The following LARGE1 variants were observed in gnomAD, a reference collection of about 807,000 sequenced individuals.
LARGE1 encodes the protein xylosyl- and glucuronyltransferase LARGE1.
In LARGE1, 43 loss-of-function variants were observed where a neutral mutation model predicts 87.6. That is an observed-to-expected ratio of 0.49 (90% CI 0.38 to 0.63). The LOEUF (loss-of-function observed/expected upper bound fraction) is 0.63, where lower values mean the gene tolerates loss of function less well. LARGE1 is among the 30% of genes least tolerant of loss of function. LARGE1 has a pLI of 0.00. For synonymous variants in LARGE1, 434 were observed against 394.6 expected (o/e 1.10, Z -1.18); for missense variants, 802 against 1,000.2 (o/e 0.80, Z 2.67).
chr22:33,882,403 A>T (rs1407589276), intron 1 of LARGE1, among the ~76,000 whole-genome samples: 1 of 152,188 alleles, frequency 6.6e-6, no homozygotes, highest in East Asian at 1.9e-4. Context: ...GTTTCAAGTC[A>T]GTGCAGACTA....
intron 14 of LARGE1, 88 bp from the exon 15 acceptor site, chr22:33,274,712 G>C: frequency 8.5e-7 from 1 of 1,171,736 alleles, no homozygotes; most frequent in Non-Finnish European, 1.3e-6. Flanking sequence ...AATGGCTAGT[G>C]AATGAATGAC....
At chr22:33,258,017 GA>G (rs1927407917) in intron 11 of LARGE1, among the ~76,000 whole-genome samples, 1 of 150,752 alleles carries the variant, frequency 6.6e-6, no homozygotes, top group African/African-American at 2.4e-5. Context: ...TGGATGGGGG[GA>G]TCAAGAAATG....
chr22:33,095,572 T>C, the LARGE1 span, among the ~76,000 whole-genome samples: 138 of 152,298 alleles, frequency 9.1e-4, no homozygotes, highest in African/African-American at 3.2e-3. Context: ...GAGAACATAA[T>C]TCAACCCACA....
At chr22:33,827,423 C>T (rs1046155787) in intron 1 of LARGE1, among the ~76,000 whole-genome samples, 2 of 152,162 alleles carry the variant, frequency 1.3e-5, no homozygotes, top group African/African-American at 4.8e-5. Context: ...GCCCCTCTGT[C>T]CCCCCGCCAA....
chr22:33,337,990 G>A (rs1182229052), intron 9 of LARGE1, among the ~76,000 whole-genome samples, 189 bp from the exon 10 acceptor site: 1 of 152,158 alleles, frequency 6.6e-6, no homozygotes, highest in African/African-American at 2.4e-5. Flanking sequence ...ATCAAACCCT[G>A]CCTCTGCTCT....
intron 1 of LARGE1, among the ~76,000 whole-genome samples, chr22:33,778,921 G>A (rs950794132): frequency 9.2e-5 from 14 of 152,130 alleles, no homozygotes; most frequent in African/African-American, 3.1e-4. Flanking sequence ...AAAGTGCTGG[G>A]ATTACCAGCG....
At chr22:33,914,239 A>G (rs999074456) in intron 1 of LARGE1, among the ~76,000 whole-genome samples, 20 of 152,056 alleles carry the variant, frequency 1.3e-4, no homozygotes, top group African/African-American at 4.3e-4. Context: ...GTCACTTTGC[A>G]TTTTTCCTGA....
chr22:33,449,744 C>T (rs1175942290), intron 6 of LARGE1, among the ~76,000 whole-genome samples: 3 of 152,186 alleles, frequency 2.0e-5, no homozygotes, highest in Non-Finnish European at 4.4e-5. Context: ...CAGTCTTTTG[C>T]CAAGGAAACA....
In LARGE1 at chr22:33,712,777, G is replaced by A. The variant is rs569960620; in HGVS notation, c.106+48594C>T. Among the ~76,000 whole-genome samples, 8 of 151,990 alleles carry A rather than the reference G, an allele frequency of 5.3e-5. No individual in the cohort carries two copies. The South Asian group carries it at 1.7e-3, about 32-fold the overall frequency. ...AAGAAAGCAGAGGCAACAACACAGG[G>A]AAGAAAGCTTGACCCCCAGCATTCT... On this transcript the variant is annotated intron_variant, in intron 2 of 14. Coordinates refer to ENST00000397394, the MANE Select transcript of LARGE1 (RefSeq NM_133642.5).
chr22:33,755,687 A>G (rs758701969), intron 2 of LARGE1, among the ~76,000 whole-genome samples: 32 of 152,308 alleles, frequency 2.1e-4, no homozygotes, highest in Non-Finnish European at 4.0e-4. Context: ...TCAGGTCTCA[A>G]AAATCACAGA....
At chr22:33,517,839 T>C (rs1350122751) in intron 6 of LARGE1, among the ~76,000 whole-genome samples, 3 of 152,208 alleles carry the variant, frequency 2.0e-5, no homozygotes, top group Non-Finnish European at 4.4e-5. Context: ...AGATACAATA[T>C]ACCTTAAAGA....
At chr22:33,568,978 G>T (rs1269646622) in intron 5 of LARGE1, among the ~76,000 whole-genome samples, 1 of 152,070 alleles carries the variant, frequency 6.6e-6, no homozygotes, top group Non-Finnish European at 1.5e-5. Flanking sequence ...AATTTGCCAG[G>T]AGAAGGTTTG....
Position 33,469,022 on chromosome 22 carries a change from A to C in LARGE1, c.788-36757T>G, listed in dbSNP as rs148919250. Among the ~76,000 whole-genome samples, 30 of 152,368 alleles carry C rather than the reference A, an allele frequency of 2.0e-4. No individual in the cohort carries two copies. In the East Asian group the frequency reaches 5.8e-3, roughly 29 times the overall value. Reference sequence around the variant, plus strand: ...AATTAGTCAAAAGGGCTATTATTAAAAAGTAAAAAAATAACAGATGCTGGT... The same window carrying C: ...AATTAGTCAAAAGGGCTATTATTAACAAGTAAAAAAATAACAGATGCTGGT... On this transcript the variant is annotated intron_variant, in intron 6 of 14. Coordinates refer to ENST00000397394, the MANE Select transcript of LARGE1 (RefSeq NM_133642.5).
intron 2 of LARGE1, among the ~76,000 whole-genome samples, chr22:33,692,836 T>G (rs2149342575): frequency 6.6e-6 from 1 of 152,292 alleles, no homozygotes; most frequent in Admixed American, 6.5e-5. Flanking sequence ...TTTATGAAGT[T>G]TAGGTATTAA....
At chr22:33,310,851 C>T (rs926109973) in intron 11 of LARGE1, among the ~76,000 whole-genome samples, 3 of 152,078 alleles carry the variant, frequency 2.0e-5, no homozygotes, top group Non-Finnish European at 2.9e-5. Context: ...GATGGTGATA[C>T]ATGTCACAAT....
chr22:33,670,302 G>C (rs1470681726), intron 2 of LARGE1, among the ~76,000 whole-genome samples: 2 of 152,004 alleles, frequency 1.3e-5, no homozygotes, highest in East Asian at 3.9e-4. Context: ...CAGGGTGAAG[G>C]ACAGAGTGCT....
At position 33,606,082 on chromosome 22, in the gene LARGE1, A is replaced by G. The variant is rs191845646; in HGVS notation, c.492-1524T>C. Among the ~76,000 whole-genome samples the G allele has an allele frequency of 1.7e-3, 257 of 152,282 alleles. 1 individual carries two copies. The highest frequency in any genetic ancestry group is 5.8e-3 in the African/African-American group (243 of 41,558). On this transcript the variant is annotated intron_variant, in intron 4 of 14. Transcript: ENST00000397394. ...GTAGGGCTCCAGGGTTGGAGCAGAGAAGGACATGAGAATGCAATGAAAGTT... is the reference window on the plus strand; with the variant it reads ...GTAGGGCTCCAGGGTTGGAGCAGAGGAGGACATGAGAATGCAATGAAAGTT...
intron 5 of LARGE1, 81 bp from the exon 6 acceptor site, chr22:33,565,100 T>C: frequency 1.6e-6 from 2 of 1,259,362 alleles, no homozygotes; most frequent in Non-Finnish European, 1.2e-6. Flanking sequence ...ACATTATAAA[T>C]AGTGCCTAGC....
chr22:33,850,942 G>A (rs942431690), intron 1 of LARGE1, among the ~76,000 whole-genome samples: 1 of 152,160 alleles, frequency 6.6e-6, no homozygotes, highest in Admixed American at 6.5e-5. Context: ...GTCTATAGCT[G>A]CTGAATGATA....
Sources: gnomAD v4.1 joint callset for allele counts (sites outside exome capture counted in the v4.1 genomes callset) on GRCh38, gnomAD v4.1.1 for gene constraint, MANE v1.5 for transcripts, NCBI Gene and HGNC (gene_info 2026-07-23, HGNC 2026-07-21) for gene names.